Variants in ITPR2 observed in about 807,000 individuals in gnomAD.
The protein encoded by ITPR2 is inositol 1,4,5-trisphosphate receptor type 2.
In ITPR2, 207 loss-of-function variants were observed where a neutral mutation model predicts 317.1. That is an observed-to-expected ratio of 0.65 (90% confidence interval 0.58 to 0.73). The LOEUF is 0.73. ITPR2 is among the 30% of genes least tolerant of loss of function. The probability of loss-of-function intolerance (pLI) is 0.00; values close to 1 mark genes in which losing one functional copy is unlikely to be tolerated. For missense variants in ITPR2, 2,613 were observed against 3,284.0 expected, an observed-to-expected ratio of 0.80 and a Z score of 4.99; for synonymous variants, 1,156 against 1,149.1, an observed-to-expected ratio of 1.01 and a Z score of -0.12.
chr12:26,725,659 C>G lies in ITPR2; in HGVS notation c.270G>C (p.Lys90Asn). The change falls in exon 3 of 57, where the codon AAG becomes AAC. Residue 90 changes from lysine (K) to asparagine (N), a missense_variant. Lys to Asn is a moderately conservative substitution (Grantham distance 94). Transcript: ENST00000381340. ...GAATCCTGGTCCTTACCTGTAGTTT[C>G]TTCAGCAAGGCTGCCTCGGTGTGGT... ...QGNHTEAALL[K>N]KLQHAAELEQ... 6.2e-7 allele frequency: 1 copy of G among 1,611,808 alleles called. No homozygotes were observed. Among genetic ancestry groups the G allele is most frequent in the Non-Finnish European group, 8.5e-7 (1 of 1,178,262 alleles).
At chr12:26,486,019 G>A (rs534122639) in intron 41 of ITPR2, 85 bp downstream of exon 41, 23 of 1,459,250 alleles carry the variant, frequency 1.6e-5, no homozygotes, top group African/African-American at 5.6e-5. Flanking sequence ...AATGCTCTCC[G>A]AAACTACTTG....
chr12:26,494,580 G>A (rs569990311), intron 38 of ITPR2, among the ~76,000 whole-genome samples: 31 of 151,960 alleles, frequency 2.0e-4, no homozygotes, highest in African/African-American at 6.7e-4. Context: ...GACCAGCCTG[G>A]CCAACAGAGT....
In ITPR2 at chr12:26,544,222, AT is replaced by A. The variant is rs548673369; in HGVS notation, c.5073+6024del. Reference sequence around the variant, plus strand: ...TTTTATTCTTTCAAGAATCTTTAAGATGTTGCCCACCCGTATCTTATTTCTC... The same window carrying A: ...TTTTATTCTTTCAAGAATCTTTAAGAGTTGCCCACCCGTATCTTATTTCTC... On this transcript the variant is annotated intron_variant, in intron 37 of 56. Coordinates refer to ENST00000381340, the MANE Select transcript of ITPR2 (RefSeq NM_002223.4). Among the ~76,000 whole-genome samples the A allele has an allele frequency of 3.4e-3, 519 of 152,320 alleles. 4 individuals are homozygous for A. The highest frequency in any genetic ancestry group is 0.012 in the African/African-American group (493 of 41,578).
chr12:26,775,383 C>A (rs1318449941), intron 2 of ITPR2, among the ~76,000 whole-genome samples: 7 of 151,910 alleles, frequency 4.6e-5, no homozygotes, highest in Non-Finnish European at 7.4e-5. Flanking sequence ...GCCAATGCAA[C>A]AAGGTAAAAA....
At position 26,516,213 on chromosome 12, in the gene ITPR2, GAAGGA is replaced by G. The variant is rs1164570920; in HGVS notation, c.5074-20958_5074-20954del. ...GGCGGGGGAGGGAAGGGGAGGACAG[GAAGGA>G]AAGGAAAGGAAAGGAAAGGAAAGGA... On this transcript the variant is annotated intron_variant, in intron 37 of 56. Transcript: ENST00000381340. Among the ~76,000 whole-genome samples, 204 of 40,234 alleles carry G rather than the reference GAAGGA, an allele frequency of 5.1e-3. 6 individuals carry two copies. The highest frequency in any genetic ancestry group is 8.4e-3 in the African/African-American group (98 of 11,622). 26.4% of individuals were successfully genotyped at this position (40,234 alleles called of 152,430 possible).
chr12:26,405,621 T>A (rs1224182668), intron 52 of ITPR2, among the ~76,000 whole-genome samples: 1 of 152,188 alleles, frequency 6.6e-6, no homozygotes, highest in Non-Finnish European at 1.5e-5. Flanking sequence ...AATAATGCCA[T>A]TTTTCTGCTT....
chr12:26,372,440 C>T (rs1939214663), intron 55 of ITPR2, among the ~76,000 whole-genome samples: 1 of 152,122 alleles, frequency 6.6e-6, no homozygotes, highest in Non-Finnish European at 1.5e-5. Flanking sequence ...CCTTAGGAAA[C>T]GCTGAATGTA....
At chr12:26,775,959 TC>T (rs1555189744) in intron 2 of ITPR2, among the ~76,000 whole-genome samples, 38 of 145,028 alleles carry the variant, frequency 2.6e-4, no homozygotes, top group Non-Finnish European at 4.9e-4. Flanking sequence ...TATATGTATA[TC>T]CTATTAGTTC....
At chr12:26,527,883 G>A (rs145526699) in intron 37 of ITPR2, among the ~76,000 whole-genome samples, 2 of 152,286 alleles carry the variant, frequency 1.3e-5, no homozygotes, top group Admixed American at 6.5e-5. Flanking sequence ...ATGTGCCCCA[G>A]GTGGAGGAAC....
chr12:26,679,697 T>G (rs1309235022), intron 13 of ITPR2, among the ~76,000 whole-genome samples: 3 of 152,190 alleles, frequency 2.0e-5, no homozygotes, highest in Non-Finnish European at 4.4e-5. Context: ...TTTATTTTTT[T>G]GTATTTCAAA....
intron 1 of ITPR2, among the ~76,000 whole-genome samples, chr12:26,821,787 A>C (rs1950942861): frequency 6.6e-6 from 1 of 152,230 alleles, no homozygotes; most frequent in Non-Finnish European, 1.5e-5. Flanking sequence ...AATTATTTTC[A>C]AGAGTTCCAG....
intron 44 of ITPR2, among the ~76,000 whole-genome samples, chr12:26,475,960 T>C (rs1476532812): frequency 6.6e-6 from 1 of 152,110 alleles, no homozygotes; most frequent in Non-Finnish European, 1.5e-5. Context: ...GATGACAGAA[T>C]AAAGGTGTTG....
intron 9 of ITPR2, among the ~76,000 whole-genome samples, chr12:26,704,746 A>G (rs1205122400): frequency 6.6e-6 from 1 of 152,142 alleles, no homozygotes; most frequent in Non-Finnish European, 1.5e-5. Context: ...ATACTATATA[A>G]TATACATTCT....
chr12:26,789,439 G>A (rs190690782), intron 2 of ITPR2, among the ~76,000 whole-genome samples: 24 of 152,130 alleles, frequency 1.6e-4, no homozygotes, highest in African/African-American at 3.4e-4. Flanking sequence ...TATTAAGGCC[G>A]TTTTTCACCA....
chr12:26,339,901 T>A (rs904407792), intron 56 of ITPR2, among the ~76,000 whole-genome samples: 5 of 152,202 alleles, frequency 3.3e-5, no homozygotes, highest in East Asian at 3.8e-4. Flanking sequence ...GATTTTTTTT[T>A]AAATGCAAAG....
At chr12:26,498,766 A>G (rs1221411367) in intron 37 of ITPR2, among the ~76,000 whole-genome samples, 1 of 152,196 alleles carries the variant, frequency 6.6e-6, no homozygotes, top group Non-Finnish European at 1.5e-5. Flanking sequence ...AAGGGAACCT[A>G]TTGTGAAGAG....
In ITPR2 at chr12:26,711,224, GT is replaced by G; in HGVS notation, c.899del (p.Asn300ThrfsTer15). 1 of 1,613,890 alleles carries G rather than the reference GT, an allele frequency of 6.2e-7. No homozygotes were observed. The highest frequency in any genetic ancestry group is 1.1e-5 in the South Asian group (1 of 91,082). ...CAAGATGCTTAAATCTGAACAAGCT[GT>G]TCCACTGTCCTGCACCCCCACGGCA... is the stretch of plus-strand genomic sequence containing the variant. ...DPCRGGAGQW[N>X]SLFRFKHLAT... On this transcript the variant is annotated frameshift_variant, in exon 9 of 57. Coordinates refer to ENST00000381340, the MANE Select transcript of ITPR2 (RefSeq NM_002223.4). LOFTEE classifies it high-confidence loss of function.
chr12:26,476,609 C>T (rs1459477357), intron 44 of ITPR2, among the ~76,000 whole-genome samples: 1 of 152,116 alleles, frequency 6.6e-6, no homozygotes, highest in Non-Finnish European at 1.5e-5. Flanking sequence ...TGCTCCAATA[C>T]ACCATTAAAC....
At chr12:26,475,059 TC>T (rs1048150210) in intron 45 of ITPR2, among the ~76,000 whole-genome samples, 4 of 152,178 alleles carry the variant, frequency 2.6e-5, no homozygotes, top group Non-Finnish European at 5.9e-5. Context: ...GAATGTCTCC[TC>T]CCTTCTGGTC....
Sources: allele counts gnomAD v4.1 joint callset (sites outside exome capture counted in the v4.1 genomes callset), GRCh38; gene constraint gnomAD v4.1.1; transcripts MANE v1.5; gene names NCBI Gene and HGNC (gene_info 2026-07-23, HGNC 2026-07-21).